STAG1: variants seen among roughly 807,000 people sequenced by gnomAD.
STAG1 encodes the protein cohesin subunit SA-1.
STAG1 carries 26 observed loss-of-function variants against 170.9 expected under a neutral mutation model. The ratio of observed to expected loss-of-function variants is 0.15; its 90% CI spans 0.11 to 0.21. STAG1 has a LOEUF of 0.21. Ranked by LOEUF, STAG1 falls within the 10% of genes least tolerant of loss-of-function variation. The probability of loss-of-function intolerance (pLI) is 1.00; values close to 1 mark genes in which losing one functional copy is unlikely to be tolerated. For missense variants in STAG1, 964 were observed against 1,509.5 expected, an observed-to-expected ratio of 0.64 and a Z score of 5.99; for synonymous variants, 514 against 497.7, an observed-to-expected ratio of 1.03 and a Z score of -0.44.
At chr3:136,386,213 C>T (rs1026608615) in intron 22 of STAG1, among the ~76,000 whole-genome samples, 1 of 152,068 alleles carries the variant, frequency 6.6e-6, no homozygotes, top group African/African-American at 2.4e-5. Context: ...GTGGTGCACG[C>T]CTGTAATCCC....
intron 21 of STAG1, chr3:136,417,681 CAA>C (rs2087813333): frequency 8.8e-6 from 4 of 452,238 alleles, no homozygotes; most frequent in South Asian, 3.8e-5. Context: ...TATGTTATAG[CAA>C]AAGTTTTTTC....
At chr3:136,623,628 CA>C (rs557649992) in intron 2 of STAG1, among the ~76,000 whole-genome samples, 6 of 147,790 alleles carry the variant, frequency 4.1e-5, no homozygotes, top group East Asian at 2.0e-4. Context: ...CCAGTCTTTT[CA>C]AAAAAAAAAT....
At chr3:136,751,997 G>T (rs1026290832) in intron 1 of STAG1, among the ~76,000 whole-genome samples, 198 bp downstream of exon 1, 3 of 150,718 alleles carry the variant, frequency 2.0e-5, no homozygotes, top group Non-Finnish European at 3.0e-5. Flanking sequence ...GACGGCCCAC[G>T]ACCGCCGCAC....
intron 31 of STAG1, 82 bp from the exon 32 acceptor site, chr3:136,340,687 C>A: frequency 1.1e-6 from 1 of 873,838 alleles, no homozygotes; most frequent in South Asian, 1.4e-5. Context: ...TAAAGTTATT[C>A]TAACCAAGTG....
chr3:136,485,048 AC>A (rs1206628108), intron 9 of STAG1, among the ~76,000 whole-genome samples: 11 of 152,210 alleles, frequency 7.2e-5, no homozygotes, highest in African/African-American at 2.4e-4. Flanking sequence ...TGCGTCGCTC[AC>A]GCTGGGAGCT....
intron 24 of STAG1, among the ~76,000 whole-genome samples, chr3:136,367,940 G>A (rs1366997745): frequency 6.6e-6 from 1 of 152,148 alleles, no homozygotes; most frequent in Non-Finnish European, 1.5e-5. Flanking sequence ...TTCAGGCTCT[G>A]TACTGACCCT....
chr3:136,390,152 G>A (rs77092389), intron 22 of STAG1, among the ~76,000 whole-genome samples: 5 of 151,996 alleles, frequency 3.3e-5, no homozygotes, highest in Non-Finnish European at 5.9e-5. Context: ...TTTTAAAGAG[G>A]GGATTCCCTA....
chr3:136,525,593 C>A (rs553207733), intron 6 of STAG1, among the ~76,000 whole-genome samples: 16 of 152,242 alleles, frequency 1.1e-4, no homozygotes, highest in South Asian at 6.2e-4. Context: ...GTCTCTATCT[C>A]CTTCAGTTCT....
At chr3:136,561,898 TA>T (rs929886728) in intron 5 of STAG1, among the ~76,000 whole-genome samples, 1 of 151,968 alleles carries the variant, frequency 6.6e-6, no homozygotes, top group Non-Finnish European at 1.5e-5. Flanking sequence ...AACTTCTGAA[TA>T]CCTTCCACCC....
Position 136,636,923 on chromosome 3 carries a change from C to G in STAG1, c.-83-5942G>C, listed in dbSNP as rs143736425. 2.6e-5 allele frequency among the ~76,000 whole-genome samples: 4 copies of G among 152,224 alleles called. No homozygotes were observed. The East Asian group carries it at 7.7e-4, about 29-fold the overall frequency. On this transcript the variant is annotated intron_variant, in intron 1 of 33. Transcript: ENST00000383202. ...TCACACAGGGCACTCACATACATAC[C>G]TAAACTACTCATACTAGGACAATTT...
At chr3:136,520,294 G>T (rs573122478) in intron 7 of STAG1, among the ~76,000 whole-genome samples, 1 of 152,148 alleles carries the variant, frequency 6.6e-6, no homozygotes, top group African/African-American at 2.4e-5. Flanking sequence ...GAGGAACAGT[G>T]CTTTAAATAA....
At chr3:136,404,979 T>C (rs1306363029) in intron 21 of STAG1, among the ~76,000 whole-genome samples, 5 of 152,034 alleles carry the variant, frequency 3.3e-5, no homozygotes, top group African/African-American at 7.2e-5. Flanking sequence ...GCTCTTCTAT[T>C]TTTCTGTTGG....
chr3:136,597,597 T>C (rs994696526), intron 4 of STAG1, among the ~76,000 whole-genome samples: 1 of 152,230 alleles, frequency 6.6e-6, no homozygotes, highest in Non-Finnish European at 1.5e-5. Flanking sequence ...TGCTCGTTTC[T>C]GATTACTTGT....
At chr3:136,580,521 CTTTTTTTTTTTTT>C (rs760635116) in intron 4 of STAG1, among the ~76,000 whole-genome samples, 5 of 100,356 alleles carry the variant, frequency 5.0e-5, no homozygotes, top group East Asian at 3.3e-4. Context: ...TTGTATAATT[CTTTTTTTTTTTTT>C]TTTTTTTTTT....
chr3:136,536,454 T>C (rs754091514), intron 6 of STAG1, among the ~76,000 whole-genome samples: 3 of 152,018 alleles, frequency 2.0e-5, no homozygotes, highest in South Asian at 2.1e-4. Context: ...GTTAAGACTA[T>C]GGACTTAGGG....
intron 1 of STAG1, among the ~76,000 whole-genome samples, chr3:136,692,567 G>A (rs1257429936): frequency 6.6e-6 from 1 of 151,956 alleles, no homozygotes; most frequent in East Asian, 1.9e-4. Context: ...CCCAAGAGAT[G>A]GTGGTTGCAG....
intron 14 of STAG1, among the ~76,000 whole-genome samples, chr3:136,450,842 G>A (rs1043641567): frequency 3.3e-5 from 5 of 152,040 alleles, no homozygotes; most frequent in African/African-American, 1.2e-4. Context: ...TCTGCCTCCT[G>A]GGTTCAAGCA....
At chr3:136,522,344 G>C (rs1182926115) in intron 6 of STAG1, among the ~76,000 whole-genome samples, 1 of 152,290 alleles carries the variant, frequency 6.6e-6, no homozygotes, top group Non-Finnish European at 1.5e-5. Flanking sequence ...CGGACTCAGA[G>C]TCAAAATCCC....
At chr3:136,388,015 G>A (rs544938768) in intron 22 of STAG1, among the ~76,000 whole-genome samples, 72 of 152,302 alleles carry the variant, frequency 4.7e-4, no homozygotes, top group Admixed American at 8.5e-4. Context: ...TACCCATTAA[G>A]TATGTTTATG....
Sources: allele counts gnomAD v4.1 joint callset (sites outside exome capture counted in the v4.1 genomes callset), GRCh38; gene constraint gnomAD v4.1.1; transcripts MANE v1.5; gene names NCBI Gene and HGNC (gene_info 2026-07-23, HGNC 2026-07-21).